Variants in PRKCA observed in about 807,000 individuals in gnomAD.
PRKCA encodes the protein protein kinase C alpha type.
A neutral mutation model predicts 87.0 loss-of-function variants in PRKCA; 27 were observed. The ratio of observed to expected loss-of-function variants is 0.31; its 90% CI spans 0.23 to 0.43. PRKCA has a LOEUF of 0.43. PRKCA is among the 20% of genes least tolerant of loss of function. The pLI is 1.00. For synonymous variants in PRKCA, 329 were observed against 311.1 expected (o/e 1.06, Z -0.61); for missense variants, 518 against 852.3 (o/e 0.61, Z 4.88).
Position 66,689,905 on chromosome 17 carries a change from C to T in PRKCA, c.918+858C>T, listed in dbSNP as rs1972733630. Among the ~76,000 whole-genome samples the T allele has an allele frequency of 6.6e-6, 1 of 152,138 alleles. No homozygotes were observed. The highest frequency in any genetic ancestry group is 1.5e-5 in the Non-Finnish European group (1 of 68,036). On this transcript the variant is annotated intron_variant, in intron 8 of 16. Transcript: ENST00000413366. This position sits in a 1 kb window ranked among gnomAD's most constrained non-coding sequence, Gnocchi z 4.1. ...CTCTTCTTCAGACTTGTTAGAATTC[C>T]CTGGAATTTCCCCGCTCTAGAGCAG...
At chr17:66,770,945 C>T (rs995954505) in intron 13 of PRKCA, among the ~76,000 whole-genome samples, 3 of 150,996 alleles carry the variant, frequency 2.0e-5, no homozygotes, top group Non-Finnish European at 4.4e-5. Context: ...ATTTGGAAAA[C>T]GGGCACTTGT....
chr17:66,660,996 C>T (rs1019697024), intron 5 of PRKCA, among the ~76,000 whole-genome samples: 5 of 152,130 alleles, frequency 3.3e-5, no homozygotes, highest in Non-Finnish European at 2.9e-5. Context: ...TCTAGAGTAT[C>T]GTGAAACGCA....
chr17:66,311,087 C>T (rs1050879976), intron 2 of PRKCA, among the ~76,000 whole-genome samples: 6 of 152,094 alleles, frequency 3.9e-5, no homozygotes, highest in Non-Finnish European at 5.9e-5. Flanking sequence ...GGGGTTCAGC[C>T]CTTGGTACCT....
At chr17:66,706,345 T>C (rs1304627017) in intron 8 of PRKCA, among the ~76,000 whole-genome samples, 1 of 152,040 alleles carries the variant, frequency 6.6e-6, no homozygotes, top group Non-Finnish European at 1.5e-5. Context: ...GAGCTAAGAA[T>C]GGTTTCAAGG....
intron 2 of PRKCA, among the ~76,000 whole-genome samples, chr17:66,435,619 GA>G (rs34020470): frequency 6.6e-6 from 1 of 152,116 alleles, no homozygotes; most frequent in Non-Finnish European, 1.5e-5. Flanking sequence ...TTGGTGGGGA[GA>G]AAAAGTGTTA....
At chr17:66,435,945 G>A (rs1913369138) in intron 2 of PRKCA, among the ~76,000 whole-genome samples, 1 of 152,120 alleles carries the variant, frequency 6.6e-6, no homozygotes, top group Non-Finnish European at 1.5e-5. Context: ...GATTGGAGAG[G>A]CCAAGTTACA....
chr17:66,723,740 C>T (rs1203224367), intron 8 of PRKCA, among the ~76,000 whole-genome samples: 1 of 152,080 alleles, frequency 6.6e-6, no homozygotes, highest in Non-Finnish European at 1.5e-5. Context: ...TCAGTGCAGT[C>T]CAGAGAGAGA....
At chr17:66,373,708 C>G (rs1448627018) in intron 2 of PRKCA, among the ~76,000 whole-genome samples, 2 of 152,220 alleles carry the variant, frequency 1.3e-5, no homozygotes, top group African/African-American at 2.4e-5. Flanking sequence ...GGGACAATCA[C>G]AGAGATGCTA....
At chr17:66,568,034 G>C (rs1342082829) in intron 3 of PRKCA, among the ~76,000 whole-genome samples, 1 of 152,206 alleles carries the variant, frequency 6.6e-6, no homozygotes, top group Non-Finnish European at 1.5e-5. Flanking sequence ...ACCAGCAGAG[G>C]TCTGGCGTGG....
At chr17:66,612,133 C>A (rs1249135100) in intron 3 of PRKCA, among the ~76,000 whole-genome samples, 1 of 151,412 alleles carries the variant, frequency 6.6e-6, no homozygotes, top group African/African-American at 2.4e-5. Flanking sequence ...GTAATCCCAG[C>A]ACTTTGAGAG....
intron 14 of PRKCA, among the ~76,000 whole-genome samples, chr17:66,785,820 G>A (rs1975370067): frequency 2.0e-5 from 3 of 152,148 alleles, no homozygotes; most frequent in Non-Finnish European, 4.4e-5. Context: ...TTACAAGTTG[G>A]AGAACTGTGT....
intron 2 of PRKCA, among the ~76,000 whole-genome samples, chr17:66,344,815 G>T (rs988781435): frequency 6.6e-6 from 1 of 152,138 alleles, no homozygotes; most frequent in African/African-American, 2.4e-5. Context: ...ACCCAGGCTG[G>T]GGTGCACTTG....
chr17:66,553,291 G>A (rs768618444), intron 3 of PRKCA, among the ~76,000 whole-genome samples: 1 of 152,106 alleles, frequency 6.6e-6, no homozygotes, highest in Non-Finnish European at 1.5e-5. Flanking sequence ...CCTGATGAAT[G>A]ATTTTTAAAT....
At chr17:66,418,496 C>T (rs558092453) in intron 2 of PRKCA, among the ~76,000 whole-genome samples, 6 of 149,692 alleles carry the variant, frequency 4.0e-5, no homozygotes, top group East Asian at 2.0e-4. Flanking sequence ...AGTGCAGTGG[C>T]GCGATCTCAG....
chr17:66,399,952 ATCTGAAATGC>A (rs1377177832), intron 2 of PRKCA, among the ~76,000 whole-genome samples: 1 of 152,196 alleles, frequency 6.6e-6, no homozygotes, highest in Admixed American at 6.5e-5. Flanking sequence ...TAATCCAGAA[ATCTGAAATGC>A]TCTAATGAGC....
chr17:66,417,110 G>A (rs1912201278), intron 2 of PRKCA, among the ~76,000 whole-genome samples: 1 of 152,050 alleles, frequency 6.6e-6, no homozygotes, highest in Non-Finnish European at 1.5e-5. Flanking sequence ...ATGTTGGCCA[G>A]GCTGGTCTCA....
At chr17:66,611,424 A>G (rs184522733) in intron 3 of PRKCA, among the ~76,000 whole-genome samples, 1 of 152,310 alleles carries the variant, frequency 6.6e-6, no homozygotes, top group African/African-American at 2.4e-5. Flanking sequence ...TGGACACTTC[A>G]CATAAATGGA....
intron 13 of PRKCA, among the ~76,000 whole-genome samples, chr17:66,752,318 G>T (rs1974450786): frequency 6.6e-6 from 1 of 152,214 alleles, no homozygotes; most frequent in Non-Finnish European, 1.5e-5. Flanking sequence ...CGTTGGGCTG[G>T]GCGTGGTGGC....
intron 2 of PRKCA, among the ~76,000 whole-genome samples, chr17:66,380,373 T>C (rs946448253): frequency 2.6e-5 from 4 of 152,104 alleles, no homozygotes; most frequent in Admixed American, 1.3e-4. Context: ...AATAATTCCC[T>C]TTTCAAAAAT....
Sources: allele counts gnomAD v4.1 joint callset (sites outside exome capture counted in the v4.1 genomes callset), GRCh38; gene constraint gnomAD v4.1.1; non-coding constraint Gnocchi (gnomAD v3.1); transcripts MANE v1.5; gene names NCBI Gene and HGNC (gene_info 2026-07-23, HGNC 2026-07-21).